SS18L1: variants seen among roughly 807,000 people sequenced by gnomAD.
SS18L1 encodes calcium-responsive transactivator.
A neutral mutation model predicts 70.3 loss-of-function variants in SS18L1; 32 were observed. That is an observed-to-expected ratio of 0.46 (90% CI 0.34 to 0.61). The LOEUF is 0.61. Ranked by LOEUF, SS18L1 falls within the 20% of genes least tolerant of loss-of-function variation. SS18L1 has a pLI of 0.01. For missense variants in SS18L1, 430 were observed against 542.1 expected, an observed-to-expected ratio of 0.79 and a Z score of 2.05; for synonymous variants, 237 against 229.7, an observed-to-expected ratio of 1.03 and a Z score of -0.29.
chr20:62,152,984 C>G (rs1405111387), intron 1 of SS18L1, among the ~76,000 whole-genome samples: 5 of 152,154 alleles, frequency 3.3e-5, no homozygotes, highest in Non-Finnish European at 7.3e-5. Context: ...GTTGTTCTTA[C>G]ACTGCTATGA....
chr20:62,165,923 A>C (rs1294148822), intron 8 of SS18L1, among the ~76,000 whole-genome samples: 2 of 152,248 alleles, frequency 1.3e-5, no homozygotes, highest in Non-Finnish European at 2.9e-5. Context: ...GGAGGCCAGC[A>C]GTGGCTGCGC....
At chr20:62,145,110 A>C (rs2057000520) in intron 1 of SS18L1, among the ~76,000 whole-genome samples, 1 of 152,280 alleles carries the variant, frequency 6.6e-6, no homozygotes, top group Non-Finnish European at 1.5e-5. Context: ...GATTGAGAAT[A>C]GCAGAAATAC....
At chr20:62,153,049 G>C (rs6062090) in intron 1 of SS18L1, among the ~76,000 whole-genome samples, 1 of 152,180 alleles carries the variant, frequency 6.6e-6, no homozygotes, top group Non-Finnish European at 1.5e-5. Context: ...TTAACTCACA[G>C]TTCCACAGGG....
chr20:62,153,549 G>C (rs1275584936), intron 1 of SS18L1, among the ~76,000 whole-genome samples: 1 of 152,082 alleles, frequency 6.6e-6, no homozygotes, highest in Non-Finnish European at 1.5e-5. Context: ...CTTTCTCGGG[G>C]GTTGGATCTG....
chr20:62,163,119 G>A (rs1401537142), intron 5 of SS18L1, among the ~76,000 whole-genome samples, 188 bp downstream of exon 5: 1 of 152,136 alleles, frequency 6.6e-6, no homozygotes, highest in African/African-American at 2.4e-5. Context: ...GTGGGTGCAC[G>A]ATCAACTCCT....
In SS18L1 at chr20:62,179,468, C is replaced by A. The variant is rs2057675955; in HGVS notation, c.*260C>A. The A allele has an allele frequency of 1.9e-6, 1 of 529,708 alleles. No homozygotes were observed. The highest frequency in any genetic ancestry group is 2.3e-5 in the South Asian group (1 of 43,698). The allele number at this position is 529,708 out of a possible 1,614,324, so 32.8% of individuals were successfully genotyped here. ...ACACGGAGAGGTATCCTTTTTTTGT[C>A]CCCCGCCCCCTTCTCAATGTTTCTA... On this transcript the variant is annotated 3_prime_UTR_variant, in exon 11 of 11. Transcript: ENST00000331758.
chr20:62,169,950 G>C (rs1365939153), intron 8 of SS18L1, among the ~76,000 whole-genome samples: 5 of 152,242 alleles, frequency 3.3e-5, no homozygotes, highest in Non-Finnish European at 5.9e-5. Flanking sequence ...TGGACGACAG[G>C]GTGGTGTGGC....
intron 1 of SS18L1, among the ~76,000 whole-genome samples, chr20:62,146,154 G>A (rs2057022086): frequency 6.6e-6 from 1 of 152,244 alleles, no homozygotes; most frequent in South Asian, 2.1e-4. Context: ...CTGTGTGGGT[G>A]GAGATCTTCC....
At position 62,161,685 on chromosome 20, in the gene SS18L1, G is replaced by A; in HGVS notation, c.376+105G>A. 14 of 1,459,116 alleles carry A rather than the reference G, an allele frequency of 9.6e-6. No homozygotes were observed. Among genetic ancestry groups the A allele is most frequent in the Non-Finnish European group, 1.3e-5 (14 of 1,097,598 alleles). 90.4% of individuals were successfully genotyped at this position (1,459,116 alleles called of 1,614,324 possible). A position where few individuals can be genotyped will look rare whatever the true frequency, so the allele number is the denominator to read the frequency against. ...GGCACCCCACCCCTCACAGGGCTGG[G>A]CATGGGACCCACTCCTCCTGGGGTA... On this transcript the variant is annotated intron_variant, in intron 4 of 10. Transcript: ENST00000331758. This position sits in a 1 kb window ranked among gnomAD's most constrained non-coding sequence, Gnocchi z 4.4.
chr20:62,144,070 C>T (rs1485960044), intron 1 of SS18L1, among the ~76,000 whole-genome samples, 181 bp downstream of exon 1: 2 of 149,196 alleles, frequency 1.3e-5, no homozygotes, highest in African/African-American at 2.4e-5. Flanking sequence ...CGCCGGCGGG[C>T]ACCCGGCCGT....
In SS18L1 at chr20:62,167,932, C is replaced by T. The variant is rs528441921; in HGVS notation, c.916+2418C>T. 4.0e-5 allele frequency among the ~76,000 whole-genome samples: 6 copies of T among 150,690 alleles called. No homozygotes were observed. In the East Asian group the frequency reaches 9.8e-4, roughly 25 times the overall value. ...CCAGGCTCAAGTGATCCTCCTGCTTCAGCCTCTCGAATTGCTGGGACTAAA... is the reference window on the plus strand; with the variant it reads ...CCAGGCTCAAGTGATCCTCCTGCTTTAGCCTCTCGAATTGCTGGGACTAAA... On this transcript the variant is annotated intron_variant, in intron 8 of 10. Transcript: ENST00000331758.
Position 62,174,567 on chromosome 20 carries a change from G to A in SS18L1, c.1087G>A (p.Gly363Ser). 1 of 1,614,032 alleles carries A rather than the reference G, an allele frequency of 6.2e-7. No individual in the cohort carries two copies. Among genetic ancestry groups the A allele is most frequent in the Non-Finnish European group, 8.5e-7 (1 of 1,180,036 alleles). ...GTACCCCGGCTACCAGCAAGGCCAA[G>A]GCCAGCAGTACGGAAGCTACCGAGC... ...SQYPGYQQGQ[G>S]QQYGSYRAPQ... Residue 363 changes from glycine to serine, a missense_variant, in exon 10 of 11, where the codon GGC (glycine) becomes AGC (serine). By Grantham distance (56) the Gly-to-Ser change is moderately conservative (BLOSUM62 0). Coordinates refer to ENST00000331758, the MANE Select transcript of SS18L1 (RefSeq NM_198935.3). The surrounding 1 kb of genome is among the most constrained non-coding windows in gnomAD (Gnocchi z 4.1).
chr20:62,171,069 A>T (rs962993759), intron 8 of SS18L1, among the ~76,000 whole-genome samples: 4 of 146,218 alleles, frequency 2.7e-5, no homozygotes, highest in Admixed American at 6.8e-5. Flanking sequence ...GCCGGGCTAA[A>T]TTTTTTGTAT....
chr20:62,165,668 C>T (rs1242836653), intron 8 of SS18L1, among the ~76,000 whole-genome samples, 154 bp downstream of exon 8: 1 of 152,220 alleles, frequency 6.6e-6, no homozygotes, highest in Non-Finnish European at 1.5e-5. Context: ...GTTCTGGAAG[C>T]TGGAAATTCA....
Position 62,174,400 on chromosome 20 carries a change from T to C in SS18L1, c.1037-117T>C. 6.8e-7 allele frequency: 1 copy of C among 1,469,118 alleles called. No individual in the cohort carries two copies. Among genetic ancestry groups the C allele is most frequent in the Non-Finnish European group, 9.0e-7 (1 of 1,108,776 alleles). 91.0% of individuals were successfully genotyped at this position (1,469,118 alleles called of 1,614,324 possible). On this transcript the variant is annotated intron_variant, in intron 9 of 10. Coordinates refer to ENST00000331758, the MANE Select transcript of SS18L1 (RefSeq NM_198935.3). The surrounding 1 kb of genome is among the most constrained non-coding windows in gnomAD (Gnocchi z 4.1). Reference sequence around the variant, plus strand: ...TGGAGATTGACAAAAGGCTGATGCATTGAGACGGGAATTTTTCAAGGAGAA... The same window carrying C: ...TGGAGATTGACAAAAGGCTGATGCACTGAGACGGGAATTTTTCAAGGAGAA...
chr20:62,150,844 G>A (rs565489019), intron 1 of SS18L1, among the ~76,000 whole-genome samples: 97 of 150,354 alleles, frequency 6.5e-4, no homozygotes, highest in Non-Finnish European at 1.1e-3. Flanking sequence ...GGAGCGAAAC[G>A]TTATCAGGTG....
Position 62,172,727 on chromosome 20 carries a change from C to T in SS18L1, c.962C>T (p.Ala321Val), listed in dbSNP as rs1159186484. Residue 321 changes from alanine to valine, a missense_variant, in exon 9 of 11, where the codon GCC becomes GTC. Transcript: ENST00000331758. The stretch of plus-strand genomic sequence containing the variant: ...CAGCAGGCCGGGTACCAGCAGGGTG[C>T]CGCGCAGCAGCAGACGTACTCCCAG... ...SQQQAGYQQG[A>V]AQQQTYSQQQ... The T allele has an allele frequency of 5.0e-6, 8 of 1,614,056 alleles. No individual in the cohort carries two copies. Among genetic ancestry groups the T allele is most frequent in the Non-Finnish European group, 5.9e-6 (7 of 1,180,020 alleles).
At chr20:62,153,385 C>T (rs2057168477) in intron 1 of SS18L1, among the ~76,000 whole-genome samples, 1 of 152,164 alleles carries the variant, frequency 6.6e-6, no homozygotes, top group South Asian at 2.1e-4. Flanking sequence ...CCCAGAGGCG[C>T]TGTCTTGCCC....
chr20:62,150,846 T>C (rs1033170417), intron 1 of SS18L1, among the ~76,000 whole-genome samples: 18 of 150,204 alleles, frequency 1.2e-4, no homozygotes, highest in African/African-American at 4.5e-4. Flanking sequence ...AGCGAAACGT[T>C]ATCAGGTGTG....
Sources: allele counts gnomAD v4.1 joint callset (sites outside exome capture counted in the v4.1 genomes callset), GRCh38; gene constraint gnomAD v4.1.1; non-coding constraint Gnocchi (gnomAD v3.1); transcripts MANE v1.5; gene names NCBI Gene and HGNC (gene_info 2026-07-23, HGNC 2026-07-21).